PCDH15: variants seen among roughly 807,000 people sequenced by gnomAD.
The protein encoded by PCDH15 is protocadherin related 15.
In PCDH15, 129 loss-of-function variants were observed where a neutral mutation model predicts 178.5. That is an observed-to-expected ratio of 0.72 (90% CI 0.63 to 0.84). The LOEUF (loss-of-function observed/expected upper bound fraction) is 0.84. PCDH15 is among the 40% of genes least tolerant of loss of function. PCDH15 has a pLI of 0.00. For missense variants in PCDH15, 2,230 were observed against 2,099.9 expected, an observed-to-expected ratio of 1.06 and a Z score of -1.21; for synonymous variants, 800 against 732.0, an observed-to-expected ratio of 1.09 and a Z score of -1.50.
At chr10:54,715,246 G>T (rs1198432908) in intron 1 of PCDH15, among the ~76,000 whole-genome samples, 3 of 152,104 alleles carry the variant, frequency 2.0e-5, no homozygotes, top group African/African-American at 7.2e-5. Flanking sequence ...TATCCATTAA[G>T]AAATTACCAA....
At chr10:55,239,377 C>A (rs1841482790) in intron 1 of PCDH15, among the ~76,000 whole-genome samples, 1 of 152,070 alleles carries the variant, frequency 6.6e-6, no homozygotes, top group Middle Eastern at 3.4e-3. Context: ...AATAGAGAAC[C>A]CAGAAATAAA....
At chr10:54,647,440 T>C (rs1007248249) in intron 2 of PCDH15, among the ~76,000 whole-genome samples, 1 of 151,978 alleles carries the variant, frequency 6.6e-6, no homozygotes, top group Non-Finnish European at 1.5e-5. Flanking sequence ...AGAAACCTGA[T>C]GAATAACATT....
intron 21 of PCDH15, among the ~76,000 whole-genome samples, chr10:53,979,985 G>A (rs10763040): frequency 0.23 from 35,117 of 152,052 alleles, 4,403 homozygotes; most frequent in East Asian, 0.5. Context: ...TCGGGAGGCC[G>A]AGGTGTGTGG....
intron 37 of PCDH15, chr10:53,809,190 C>CTCAG (rs2075775013): frequency 6.2e-7 from 1 of 1,613,926 alleles, no homozygotes; most frequent in African/African-American, 1.3e-5. Flanking sequence ...CTTCTGTAGT[C>CTCAG]TCAGACTCAC....
At chr10:54,634,739 G>T (rs572206526) in intron 2 of PCDH15, among the ~76,000 whole-genome samples, 3 of 152,120 alleles carry the variant, frequency 2.0e-5, no homozygotes, top group Non-Finnish European at 4.4e-5. Flanking sequence ...TGTTTCAGAT[G>T]TAAATATATT....
At chr10:54,034,911 T>C (rs566743172) in intron 18 of PCDH15, among the ~76,000 whole-genome samples, 68 of 152,046 alleles carry the variant, frequency 4.5e-4, no homozygotes, top group African/African-American at 1.4e-3. Context: ...GTTACAGATA[T>C]ATAAAAGGGC....
At chr10:55,188,074 A>G (rs1378761793) in intron 1 of PCDH15, among the ~76,000 whole-genome samples, 2 of 151,980 alleles carry the variant, frequency 1.3e-5, no homozygotes, top group African/African-American at 4.8e-5. Flanking sequence ...GGCTATAACT[A>G]GAAGGTAAAA....
At chr10:54,716,676 C>T (rs1277810897) in intron 1 of PCDH15, among the ~76,000 whole-genome samples, 1 of 151,954 alleles carries the variant, frequency 6.6e-6, no homozygotes, top group African/African-American at 2.4e-5. Flanking sequence ...TGAAAATGGC[C>T]ATACCACCCA....
chr10:55,140,742 T>C (rs1838330068), intron 2 of PCDH15, among the ~76,000 whole-genome samples: 1 of 151,958 alleles, frequency 6.6e-6, no homozygotes, highest in Non-Finnish European at 1.5e-5. Flanking sequence ...GGAGATTTCT[T>C]GTGGGGGATA....
chr10:54,456,358 T>C (rs1473509529), intron 3 of PCDH15, among the ~76,000 whole-genome samples: 1 of 152,156 alleles, frequency 6.6e-6, no homozygotes, highest in African/African-American at 2.4e-5. Flanking sequence ...TCAAAGGATA[T>C]CATTTTGGAA....
chr10:53,998,165 T>C (rs1348526222), intron 20 of PCDH15, among the ~76,000 whole-genome samples: 1 of 152,146 alleles, frequency 6.6e-6, no homozygotes, highest in East Asian at 1.9e-4. Context: ...AGGGTAGTAT[T>C]AGCAAAAAGA....
intron 1 of PCDH15, among the ~76,000 whole-genome samples, chr10:54,723,383 G>T (rs66472910): frequency 6.6e-6 from 1 of 151,426 alleles, no homozygotes; most frequent in Admixed American, 6.6e-5. Context: ...CTCTCACTGT[G>T]TACAAAAATC....
At chr10:55,477,673 C>A (rs1156664165) in intron 2 of PCDH15, among the ~76,000 whole-genome samples, 1 of 151,848 alleles carries the variant, frequency 6.6e-6, no homozygotes, top group East Asian at 1.9e-4. Flanking sequence ...TTTTTGATCT[C>A]ATATGTTAAT....
intron 17 of PCDH15, among the ~76,000 whole-genome samples, chr10:54,069,002 T>G (rs1313512959): frequency 6.6e-6 from 1 of 152,210 alleles, no homozygotes; most frequent in Non-Finnish European, 1.5e-5. Context: ...TTTATATATT[T>G]TCTAAATGTT....
intron 37 of PCDH15, chr10:53,809,109 G>A (rs776703713): frequency 6.2e-7 from 1 of 1,613,824 alleles, no homozygotes; most frequent in Non-Finnish European, 8.5e-7. Context: ...CTGACTCTGT[G>A]GATTCCGATT....
At chr10:55,248,861 C>T (rs1021302993) in intron 1 of PCDH15, among the ~76,000 whole-genome samples, 1 of 152,122 alleles carries the variant, frequency 6.6e-6, no homozygotes, top group East Asian at 1.9e-4. Flanking sequence ...CTAGCCAATT[C>T]TTTCCAAAGT....
intron 1 of PCDH15, among the ~76,000 whole-genome samples, chr10:54,800,311 T>C (rs1365710592): frequency 6.6e-6 from 1 of 152,188 alleles, no homozygotes; most frequent in Non-Finnish European, 1.5e-5. Flanking sequence ...ATTAGAAGGA[T>C]ACAGTTGACC....
intron 2 of PCDH15, among the ~76,000 whole-genome samples, chr10:55,380,625 A>G (rs2132000643): frequency 6.6e-6 from 1 of 152,292 alleles, no homozygotes; most frequent in Admixed American, 6.5e-5. Context: ...CTGACCTGTC[A>G]TACAATCCCA....
chr10:54,805,949 G>A (rs918109915), upstream of PCDH15, among the ~76,000 whole-genome samples: 2 of 151,712 alleles, frequency 1.3e-5, no homozygotes, highest in Non-Finnish European at 2.9e-5. Context: ...TTTCAAATAG[G>A]GACTATTTTT....
Sources: allele counts gnomAD v4.1 joint callset (sites outside exome capture counted in the v4.1 genomes callset), GRCh38; gene constraint gnomAD v4.1.1; transcripts MANE v1.5; gene names NCBI Gene and HGNC (gene_info 2026-07-23, HGNC 2026-07-21).